Variants in BBS5 observed in about 807,000 individuals in gnomAD.
The protein encoded by BBS5 is Bardet-Biedl syndrome 5.
Under a neutral mutation model 50.2 loss-of-function variants are expected in BBS5, and 39 were observed. The observed-to-expected ratio is 0.78, with a 90% CI of 0.60 to 1.01. The LOEUF is 1.01. Among genes scored for constraint, BBS5 ranks in the 50% least tolerant of loss-of-function variants. The probability of loss-of-function intolerance (pLI) is 0.00; values close to 1 mark genes in which losing one functional copy is unlikely to be tolerated. For missense variants in BBS5, 356 were observed against 401.5 expected, an observed-to-expected ratio of 0.89 and a Z score of 0.97; for synonymous variants, 134 against 133.1, an observed-to-expected ratio of 1.01 and a Z score of -0.05.
intron 2 of BBS5, among the ~76,000 whole-genome samples, chr2:169,485,550 C>G (rs566233104): frequency 1.3e-5 from 2 of 152,282 alleles, no homozygotes; most frequent in African/African-American, 4.8e-5. Flanking sequence ...AACCCCACCC[C>G]CAACTCTACT....
At chr2:169,497,537 A>G in intron 7 of BBS5, 90 bp from the exon 8 acceptor site, 1 of 808,478 alleles carries the variant, frequency 1.2e-6, no homozygotes, top group Non-Finnish European at 2.2e-6. Flanking sequence ...TATGAAAAGT[A>G]AATACTGTGT....
chr2:169,498,705 G>T (rs1559125039), intron 8 of BBS5, among the ~76,000 whole-genome samples: 1 of 151,748 alleles, frequency 6.6e-6, no homozygotes. Flanking sequence ...CTCCGGAGAG[G>T]CTGAGGCAGG....
At chr2:169,492,654 G>A (rs908020532) in intron 5 of BBS5, among the ~76,000 whole-genome samples, 2 of 152,154 alleles carry the variant, frequency 1.3e-5, no homozygotes, top group Non-Finnish European at 1.5e-5. Flanking sequence ...TGAGCCAGGA[G>A]TATCACTTGA....
At chr2:169,479,693 T>G (rs1308958075) in intron 1 of BBS5, 81 bp downstream of exon 1, 2 of 1,470,288 alleles carry the variant, frequency 1.4e-6, no homozygotes, top group Non-Finnish European at 1.9e-6. Flanking sequence ...GGGCGGAGAC[T>G]GCACCTCCGC....
At chr2:169,481,289 T>C (rs1207293830) in intron 1 of BBS5, among the ~76,000 whole-genome samples, 1 of 152,164 alleles carries the variant, frequency 6.6e-6, no homozygotes, top group Non-Finnish European at 1.5e-5. Flanking sequence ...TTTGAGTTGT[T>C]CCCTGAAGAA....
intron 2 of BBS5, among the ~76,000 whole-genome samples, chr2:169,484,344 CT>C (rs1683455656): frequency 6.6e-6 from 1 of 152,184 alleles, no homozygotes; most frequent in Non-Finnish European, 1.5e-5. Flanking sequence ...GTTCATGCCA[CT>C]GCACTCCAGC....
At chr2:169,503,284 G>A (rs1683842289) in intron 10 of BBS5, 106 bp downstream of exon 10, 1 of 925,224 alleles carries the variant, frequency 1.1e-6, no homozygotes, top group Admixed American at 2.0e-5. Flanking sequence ...AGATTTTGAT[G>A]GTGTCTTAAA....
At chr2:169,500,873 G>T (rs1378573936) in intron 9 of BBS5, among the ~76,000 whole-genome samples, 1 of 151,960 alleles carries the variant, frequency 6.6e-6, no homozygotes, top group African/African-American at 2.4e-5. Context: ...TGCCTTCTCT[G>T]TATATTCCTT....
intron 8 of BBS5, among the ~76,000 whole-genome samples, chr2:169,498,446 C>G (rs1262885331): frequency 6.6e-6 from 1 of 152,088 alleles, no homozygotes; most frequent in African/African-American, 2.4e-5. Context: ...AAGAACTATA[C>G]CAAATGTCAT....
chr2:169,492,655 T>G (rs1489873381), intron 5 of BBS5, among the ~76,000 whole-genome samples: 2 of 152,052 alleles, frequency 1.3e-5, no homozygotes, highest in Non-Finnish European at 2.9e-5. Context: ...GAGCCAGGAG[T>G]ATCACTTGAG....
rs577534216 is a variant in BBS5, at chr2:169,495,688, C to T, written c.618+1852C>T. ...CTTTCCTTTTTAGACAGGGGTCTCA[C>T]TCTGTCACCCAGGCTAGAGTACAGT... On this transcript the variant is annotated intron_variant, in intron 7 of 11. Transcript: ENST00000295240. Among the ~76,000 whole-genome samples, 12 of 152,322 alleles carry T rather than the reference C, an allele frequency of 7.9e-5. No homozygotes were observed. In the East Asian group the frequency reaches 2.3e-3, roughly 29 times the overall value.
Position 169,493,768 on chromosome 2 carries a change from A to G in BBS5, c.550A>G (p.Asn184Asp). ...CAATTTAGGAACCTTTTTTATTACC[A>G]ATGTGAGAATTGTGTGGCATGCAAA... ...QGNLGTFFIT[N>D]VRIVWHANMN... is the part of the protein sequence containing the mutation. The change falls in exon 7 of 12, where the codon AAT becomes GAT. Residue 184 changes from asparagine (N) to aspartate (D), a missense_variant. By Grantham distance (23) the Asn-to-Asp change is conservative. Transcript: ENST00000295240. 1 of 1,612,888 alleles carries G rather than the reference A, an allele frequency of 6.2e-7. No individual in the cohort carries two copies. Among genetic ancestry groups the G allele is most frequent in the Non-Finnish European group, 8.5e-7 (1 of 1,178,962 alleles).
chr2:169,503,213 A>C (rs1343342875), intron 10 of BBS5, 35 bp downstream of exon 10: 2 of 1,514,468 alleles, frequency 1.3e-6, no homozygotes, highest in South Asian at 2.3e-5. Flanking sequence ...AAATTTCTTA[A>C]GGATTTTATC....
intron 1 of BBS5, among the ~76,000 whole-genome samples, chr2:169,480,005 G>A (rs1423563898): frequency 7.2e-5 from 11 of 152,190 alleles, no homozygotes; most frequent in Non-Finnish European, 7.3e-5. Context: ...GGAAACTAGG[G>A]TTCTAAAAGT....
chr2:169,483,774 T>C (rs1043698054), intron 2 of BBS5, among the ~76,000 whole-genome samples: 1 of 152,162 alleles, frequency 6.6e-6, no homozygotes, highest in Admixed American at 6.5e-5. Context: ...ATCACACTTC[T>C]GAAATGCTTC....
chr2:169,480,568 G>A (rs529495807), intron 1 of BBS5, among the ~76,000 whole-genome samples: 30 of 151,168 alleles, frequency 2.0e-4, no homozygotes, highest in Admixed American at 1.1e-3. Context: ...GATATCTAAT[G>A]CTAACATGTT....
intron 5 of BBS5, 115 bp from the exon 6 acceptor site, chr2:169,492,759 T>A: frequency 1.1e-6 from 1 of 930,768 alleles, no homozygotes; most frequent in Non-Finnish European, 1.6e-6. Context: ...AAATGTATCA[T>A]AATTATTTGA....
At position 169,504,767 on chromosome 2, in the gene BBS5, G is replaced by T; in HGVS notation, c.*185G>T. On this transcript the variant is annotated 3_prime_UTR_variant, in exon 12 of 12. Transcript: ENST00000295240. The stretch of plus-strand genomic sequence containing the variant: ...TTCAGTTTTCGGCCAGCGCGTCGAG[G>T]GAGGGGCCAGCGACACATGGCCTAG... 3 of 1,388,930 alleles carry T rather than the reference G, an allele frequency of 2.2e-6. No individual in the cohort carries two copies. Among genetic ancestry groups the T allele is most frequent in the Non-Finnish European group, 3.0e-6 (3 of 1,011,604 alleles). 86.0% of individuals were successfully genotyped at this position (1,388,930 alleles called of 1,614,324 possible).
chr2:169,487,293 T>C (rs1683503066), intron 3 of BBS5, among the ~76,000 whole-genome samples, 159 bp downstream of exon 3: 2 of 152,144 alleles, frequency 1.3e-5, no homozygotes, highest in Non-Finnish European at 2.9e-5. Context: ...TATCCATTAT[T>C]ATTTTGGTTT....
Sources: gnomAD v4.1 joint callset for allele counts (sites outside exome capture counted in the v4.1 genomes callset) on GRCh38, gnomAD v4.1.1 for gene constraint, MANE v1.5 for transcripts, NCBI Gene and HGNC (gene_info 2026-07-23, HGNC 2026-07-21) for gene names.